PRSS38: variants seen among roughly 807,000 people sequenced by gnomAD.
PRSS38 encodes marapsin 2.
In PRSS38, 22 loss-of-function variants were observed where a neutral mutation model predicts 26.8. The ratio of observed to expected loss-of-function variants is 0.82; its 90% CI spans 0.59 to 1.17. The LOEUF (loss-of-function observed/expected upper bound fraction) is 1.17, where lower values mean the gene tolerates loss of function less well. Among genes scored for constraint, PRSS38 ranks in the 50% most tolerant of loss-of-function variants. PRSS38 has a pLI of 0.00. For synonymous variants in PRSS38, 175 were observed against 172.1 expected (o/e 1.02, Z -0.13); for missense variants, 427 against 422.7 (o/e 1.01, Z -0.09).
At chr1:227,820,578 G>T (rs531986043) in intron 3 of PRSS38, among the ~76,000 whole-genome samples, 3 of 152,000 alleles carry the variant, frequency 2.0e-5, no homozygotes, top group Non-Finnish European at 4.4e-5. Flanking sequence ...GTATTTCTTG[G>T]ATAAATCTCG....
chr1:227,835,977 C>T (rs544677577), intron 3 of PRSS38, among the ~76,000 whole-genome samples: 1 of 152,100 alleles, frequency 6.6e-6, no homozygotes, highest in Admixed American at 6.5e-5. Flanking sequence ...GTGGCTCATG[C>T]TTGCAATCCC....
At chr1:227,833,150 G>A (rs2102680773) in intron 3 of PRSS38, among the ~76,000 whole-genome samples, 1 of 152,176 alleles carries the variant, frequency 6.6e-6, no homozygotes, top group East Asian at 1.9e-4. Flanking sequence ...AGATACCAAT[G>A]CCCCTTTTTG....
intron 3 of PRSS38, among the ~76,000 whole-genome samples, chr1:227,825,279 A>G (rs550386223): frequency 3.3e-5 from 5 of 151,982 alleles, no homozygotes; most frequent in Non-Finnish European, 5.9e-5. Context: ...GCAACCTCCA[A>G]CTCCCTGGTT....
chr1:227,828,634 G>C (rs972219565), intron 3 of PRSS38, among the ~76,000 whole-genome samples: 2 of 152,188 alleles, frequency 1.3e-5, no homozygotes, highest in Non-Finnish European at 2.9e-5. Context: ...GCCGGCTCTG[G>C]AGAGTCCAGA....
At chr1:227,837,953 G>A (rs1404699518) in intron 3 of PRSS38, among the ~76,000 whole-genome samples, 1 of 151,984 alleles carries the variant, frequency 6.6e-6, no homozygotes, top group African/African-American at 2.4e-5. Context: ...ATGGGGTCTT[G>A]CTCTATTTCC....
In PRSS38 at chr1:227,816,443, G is replaced by A. The variant is rs1225113165; in HGVS notation, c.311+191G>A. ...AACACACAGCTGGGTCCCCATTCTT[G>A]AGGCTGGTCCCCCAAGTGCACAGCC... is the stretch of plus-strand genomic sequence containing the variant. On this transcript the variant is annotated intron_variant, in intron 2 of 4. Coordinates refer to ENST00000366757, the Ensembl canonical transcript of PRSS38. The surrounding 1 kb of genome is among the most constrained non-coding windows in gnomAD (Gnocchi z 5.1). Among the ~76,000 whole-genome samples the A allele has an allele frequency of 1.3e-5, 2 of 152,104 alleles. No individual in the cohort carries two copies. Among genetic ancestry groups the A allele is most frequent in the East Asian group, 3.9e-4 (2 of 5,158 alleles).
At chr1:227,842,575 G>C (rs1236570365) in intron 3 of PRSS38, among the ~76,000 whole-genome samples, 1 of 151,866 alleles carries the variant, frequency 6.6e-6, no homozygotes, top group African/African-American at 2.4e-5. Flanking sequence ...CCTTCTCTGA[G>C]GGAACTTCTT....
At chr1:227,835,223 G>T (rs1256054667) in intron 3 of PRSS38, among the ~76,000 whole-genome samples, 1 of 152,194 alleles carries the variant, frequency 6.6e-6, no homozygotes, top group Non-Finnish European at 1.5e-5. Context: ...GTTCATTGCT[G>T]GTGGGAATTT....
intron 3 of PRSS38, among the ~76,000 whole-genome samples, chr1:227,830,675 T>C (rs1665141832): frequency 6.6e-6 from 1 of 151,432 alleles, no homozygotes; most frequent in African/African-American, 2.4e-5. Context: ...TTATTATTAT[T>C]ATTATTTTTA....
In PRSS38 at chr1:227,816,989, C is replaced by T. The variant is rs186611415; in HGVS notation, c.312-220C>T. Among the ~76,000 whole-genome samples, 205 of 152,314 alleles carry T rather than the reference C, an allele frequency of 1.3e-3. No individual in the cohort carries two copies. Among genetic ancestry groups the T allele is most frequent in the African/African-American group, 4.3e-3 (180 of 41,570 alleles). On this transcript the variant is annotated intron_variant, in intron 2 of 4. Coordinates refer to ENST00000366757, the Ensembl canonical transcript of PRSS38. The surrounding 1 kb of genome is among the most constrained non-coding windows in gnomAD (Gnocchi z 5.1). Reference sequence around the variant, plus strand: ...GCTGCTGGCCTGTACAGCTGGTGGTCGTGTACAGACTTGGGTCCCCAGAGC... The same window carrying T: ...GCTGCTGGCCTGTACAGCTGGTGGTTGTGTACAGACTTGGGTCCCCAGAGC...
chr1:227,823,501 C>T (rs1572082264), intron 3 of PRSS38, among the ~76,000 whole-genome samples: 1 of 152,026 alleles, frequency 6.6e-6, no homozygotes, highest in Non-Finnish European at 1.5e-5. Context: ...CTCCAAATCT[C>T]ATGTTAAAAT....
chr1:227,837,839 T>C (rs1401035617), intron 3 of PRSS38, among the ~76,000 whole-genome samples: 1 of 152,246 alleles, frequency 6.6e-6, no homozygotes, highest in Non-Finnish European at 1.5e-5. Context: ...GGAGTTTCTT[T>C]ATATATTCTG....
chr1:227,837,569 G>A (rs757450248), intron 3 of PRSS38, among the ~76,000 whole-genome samples: 6 of 152,192 alleles, frequency 3.9e-5, no homozygotes, highest in Non-Finnish European at 7.3e-5. Flanking sequence ...TACTGTGCAA[G>A]TCTTTTGGGG....
In PRSS38 at chr1:227,815,732, TC is replaced by T; in HGVS notation, c.18del (p.Val7SerfsTer39). Reference sequence around the variant, plus strand: ...CTCGAGCCTCATGGCTGCCCCTGCTTCCGTCATGGGCCCACTCGGGCCCTCT... The same window carrying T: ...CTCGAGCCTCATGGCTGCCCCTGCTTCGTCATGGGCCCACTCGGGCCCTCT... On this transcript the variant is annotated frameshift_variant, in exon 1 of 5. Transcript: ENST00000366757. LOFTEE classifies it high-confidence loss of function. 1 of 1,593,580 alleles carries T rather than the reference TC, an allele frequency of 6.3e-7. No individual in the cohort carries two copies. Among genetic ancestry groups the T allele is most frequent in the Non-Finnish European group, 8.6e-7 (1 of 1,166,634 alleles).
At position 227,846,153 on chromosome 1, in the gene PRSS38, TG is replaced by T; in HGVS notation, c.930del (p.Thr312LeufsTer5). On this transcript the variant is annotated frameshift_variant, in exon 5 of 5. Transcript: ENST00000366757. LOFTEE classifies it low-confidence loss of function (END_TRUNC). ...CCAGCCCCTGCTCTCTCTCCAGCTC[TG>T]GGGCCCACTCTCAGCGTCCTAATGG... is the stretch of plus-strand genomic sequence containing the variant. The T allele has an allele frequency of 6.2e-7, 1 of 1,613,680 alleles. No individual in the cohort carries two copies.
At chr1:227,828,449 C>T (rs2102678118) in intron 3 of PRSS38, among the ~76,000 whole-genome samples, 1 of 152,226 alleles carries the variant, frequency 6.6e-6, no homozygotes, top group East Asian at 1.9e-4. Flanking sequence ...TCCAGGGAGC[C>T]AAGCAGCATC....
chr1:227,830,374 G>A (rs1665134847), intron 3 of PRSS38, among the ~76,000 whole-genome samples: 3 of 151,664 alleles, frequency 2.0e-5, no homozygotes, highest in Admixed American at 6.6e-5. Flanking sequence ...TTTTCTTTAT[G>A]GAAAGATATT....
chr1:227,818,053 T>C (rs1169791405), intron 3 of PRSS38, among the ~76,000 whole-genome samples: 2 of 152,216 alleles, frequency 1.3e-5, no homozygotes, highest in Non-Finnish European at 2.9e-5. Context: ...TTTCTTCTAG[T>C]AAAGACTATT....
intron 3 of PRSS38, among the ~76,000 whole-genome samples, chr1:227,841,559 C>A (rs1055161503): frequency 2.0e-5 from 3 of 152,196 alleles, no homozygotes; most frequent in East Asian, 1.9e-4. Flanking sequence ...TCTTCTTTAA[C>A]CCCTTATACT....
Sources: gnomAD v4.1 joint callset for allele counts (sites outside exome capture counted in the v4.1 genomes callset) on GRCh38, gnomAD v4.1.1 for gene constraint, Gnocchi (gnomAD v3.1) non-coding constraint, MANE v1.5 for transcripts, NCBI Gene and HGNC (gene_info 2026-07-23, HGNC 2026-07-21) for gene names.